TMPRSS15: variants seen among roughly 807,000 people sequenced by gnomAD.
TMPRSS15 encodes transmembrane serine protease 15.
A neutral mutation model predicts 125.3 loss-of-function variants in TMPRSS15; 128 were observed. That is an observed-to-expected ratio of 1.02 (90% CI 0.89 to 1.18). The LOEUF is 1.18. TMPRSS15 is among the 50% of genes most tolerant of loss of function. The probability of loss-of-function intolerance (pLI) is 0.00; values close to 1 mark genes in which losing one functional copy is unlikely to be tolerated. For missense variants in TMPRSS15, 1,283 were observed against 1,212.7 expected, an observed-to-expected ratio of 1.06 and a Z score of -0.86; for synonymous variants, 446 against 423.2, an observed-to-expected ratio of 1.05 and a Z score of -0.66.
intron 1 of TMPRSS15, among the ~76,000 whole-genome samples, chr21:18,449,879 A>ACG (rs1206541059): frequency 5.7e-4 from 3 of 5,226 alleles, no homozygotes; most frequent in South Asian, 0.029. Context: ...ACACACACGC[A>ACG]CACACACACA....
intron 4 of TMPRSS15, among the ~76,000 whole-genome samples, chr21:18,383,147 C>T (rs1031171561): frequency 2.0e-5 from 3 of 152,018 alleles, no homozygotes; most frequent in South Asian, 2.1e-4. Flanking sequence ...GCAAAGAATG[C>T]GTAAGACCCA....
intron 1 of TMPRSS15, among the ~76,000 whole-genome samples, chr21:18,424,251 C>A (rs2076198150): frequency 6.6e-6 from 1 of 152,136 alleles, no homozygotes; most frequent in Non-Finnish European, 1.5e-5. Context: ...AGAGAAGATT[C>A]TATTTTCCAG....
intron 1 of TMPRSS15, among the ~76,000 whole-genome samples, chr21:18,435,916 C>A (rs565804439): frequency 2.6e-5 from 4 of 151,678 alleles, no homozygotes; most frequent in African/African-American, 7.3e-5. Context: ...AGTTTATTTG[C>A]GTAGAGGTGT....
intron 1 of TMPRSS15, among the ~76,000 whole-genome samples, chr21:18,453,693 C>A (rs940592984): frequency 5.9e-5 from 9 of 152,184 alleles, no homozygotes; most frequent in Admixed American, 5.9e-4. Flanking sequence ...TAAGAGATAT[C>A]TGCACTCCTA....
intron 1 of TMPRSS15, among the ~76,000 whole-genome samples, chr21:18,402,198 AG>A (rs1384838242): frequency 6.6e-6 from 1 of 152,198 alleles, no homozygotes; most frequent in African/African-American, 2.4e-5. Flanking sequence ...AGAATAAAAT[AG>A]CTAACCCAAC....
At chr21:18,313,425 TAATA>T (rs1351771922) in intron 17 of TMPRSS15, among the ~76,000 whole-genome samples, 2 of 150,970 alleles carry the variant, frequency 1.3e-5, no homozygotes, top group African/African-American at 4.8e-5. Context: ...TACTTTCTAT[TAATA>T]TATATTATAT....
chr21:18,446,014 A>C (rs2076255134), intron 1 of TMPRSS15, among the ~76,000 whole-genome samples: 1 of 152,224 alleles, frequency 6.6e-6, no homozygotes, highest in Non-Finnish European at 1.5e-5. Context: ...GAAAAAGTCA[A>C]ATTAGCCCTG....
intron 16 of TMPRSS15, among the ~76,000 whole-genome samples, chr21:18,319,514 C>T (rs1254872645): frequency 1.3e-5 from 2 of 150,894 alleles, no homozygotes; most frequent in Admixed American, 6.6e-5. Flanking sequence ...CTGAAACCTC[C>T]GCCTCCCGGG....
intron 1 of TMPRSS15, among the ~76,000 whole-genome samples, chr21:18,470,290 C>T (rs1481041648): frequency 6.6e-6 from 1 of 151,390 alleles, no homozygotes; most frequent in African/African-American, 2.4e-5. Context: ...ATGTACTTGA[C>T]CCTCCTATAT....
At chr21:18,390,357 A>G (rs1028631613) in intron 3 of TMPRSS15, among the ~76,000 whole-genome samples, 4 of 152,238 alleles carry the variant, frequency 2.6e-5, no homozygotes, top group African/African-American at 9.6e-5. Flanking sequence ...GCTAATCTCT[A>G]ACATAATATT....
chr21:18,358,615 C>T (rs973012138), intron 8 of TMPRSS15, among the ~76,000 whole-genome samples: 1 of 151,688 alleles, frequency 6.6e-6, no homozygotes, highest in East Asian at 1.9e-4. Context: ...TTTTAAGGCA[C>T]AAAGAATAAT....
At chr21:18,283,327 G>A (rs1471221583) in intron 21 of TMPRSS15, among the ~76,000 whole-genome samples, 1 of 150,190 alleles carries the variant, frequency 6.7e-6, no homozygotes, top group Admixed American at 6.7e-5. Flanking sequence ...AAGACTGACA[G>A]GTAACAAGTA....
intron 22 of TMPRSS15, among the ~76,000 whole-genome samples, chr21:18,280,590 A>AACAAACAAAC (rs1568979252): frequency 2.0e-5 from 3 of 149,932 alleles, no homozygotes; most frequent in Admixed American, 1.3e-4. Flanking sequence ...AAAAAAAAAA[A>AACAAACAAAC]AAAAACAACA....
intron 1 of TMPRSS15, among the ~76,000 whole-genome samples, chr21:18,417,691 A>T (rs907942114): frequency 6.6e-6 from 1 of 152,326 alleles, no homozygotes; most frequent in Non-Finnish European, 1.5e-5. Context: ...CTAGAAAATA[A>T]AATTAACTCT....
At chr21:18,423,409 CTTTT>C (rs5842689) in intron 1 of TMPRSS15, among the ~76,000 whole-genome samples, 7 of 128,726 alleles carry the variant, frequency 5.4e-5, no homozygotes, top group Admixed American at 7.9e-5. Flanking sequence ...AAAATAAATT[CTTTT>C]TTTTTTTTTT....
chr21:18,328,615 A>C (rs2075315375), intron 15 of TMPRSS15, among the ~76,000 whole-genome samples: 1 of 152,158 alleles, frequency 6.6e-6, no homozygotes, highest in African/African-American at 2.4e-5. Context: ...TGATGGTTAC[A>C]AGTGGCTGGA....
At chr21:18,390,103 C>A (rs969744054) in intron 3 of TMPRSS15, among the ~76,000 whole-genome samples, 5 of 152,266 alleles carry the variant, frequency 3.3e-5, no homozygotes, top group Admixed American at 3.3e-4. Flanking sequence ...AAATGGCTTT[C>A]CTTGTCTTCT....
chr21:18,415,076 T>A (rs1020581347), intron 1 of TMPRSS15, among the ~76,000 whole-genome samples: 1 of 152,130 alleles, frequency 6.6e-6, no homozygotes, highest in Non-Finnish European at 1.5e-5. Flanking sequence ...ATATCATTCA[T>A]TGTAGTTTCG....
At chr21:18,381,751 C>T (rs1382075407) in intron 4 of TMPRSS15, among the ~76,000 whole-genome samples, 1 of 152,072 alleles carries the variant, frequency 6.6e-6, no homozygotes, top group Admixed American at 6.6e-5. Flanking sequence ...TGTCAATTTG[C>T]TTGCCAGAAC....
Sources: gnomAD v4.1 joint callset for allele counts (sites outside exome capture counted in the v4.1 genomes callset) on GRCh38, gnomAD v4.1.1 for gene constraint, MANE v1.5 for transcripts, NCBI Gene and HGNC (gene_info 2026-07-23, HGNC 2026-07-21) for gene names.